The following GALNT14 variants were observed in gnomAD, a reference collection of about 807,000 sequenced individuals.
The protein encoded by GALNT14 is polypeptide N-acetylgalactosaminyltransferase 14.
Under a neutral mutation model 77.5 loss-of-function variants are expected in GALNT14, and 60 were observed. The ratio of observed to expected loss-of-function variants is 0.77; its 90% CI spans 0.63 to 0.96. The LOEUF (loss-of-function observed/expected upper bound fraction) is 0.96, where lower values mean the gene tolerates loss of function less well. Ranked by LOEUF, GALNT14 falls within the 40% of genes least tolerant of loss-of-function variation. The pLI is 0.00. For missense variants in GALNT14, 710 were observed against 731.0 expected (o/e 0.97, Z 0.33); for synonymous variants, 280 against 281.7 (o/e 0.99, Z 0.06).
chr2:31,082,816 G>C (rs752360404), intron 1 of GALNT14, among the ~76,000 whole-genome samples: 2 of 152,104 alleles, frequency 1.3e-5, no homozygotes, highest in Admixed American at 6.5e-5. Context: ...TCAAAAGACC[G>C]AGACCATCCT....
At chr2:30,943,851 G>T (rs558605958) in intron 8 of GALNT14, among the ~76,000 whole-genome samples, 1 of 152,314 alleles carries the variant, frequency 6.6e-6, no homozygotes, top group East Asian at 1.9e-4. Context: ...CTACCCCACA[G>T]TAGAGTTCTC....
chr2:31,076,759 G>T (rs796355899), intron 1 of GALNT14, among the ~76,000 whole-genome samples: 2 of 151,954 alleles, frequency 1.3e-5, no homozygotes, highest in African/African-American at 4.8e-5. Context: ...ATCAAAGGTA[G>T]GGAATGATAT....
chr2:30,956,736 A>C (rs1429678270), intron 4 of GALNT14, among the ~76,000 whole-genome samples: 2 of 152,044 alleles, frequency 1.3e-5, no homozygotes, highest in Admixed American at 6.6e-5. Flanking sequence ...CGAACTCCTG[A>C]CCTCAGATGA....
At chr2:30,935,237 A>G (rs1665981001) in intron 9 of GALNT14, among the ~76,000 whole-genome samples, 1 of 152,122 alleles carries the variant, frequency 6.6e-6, no homozygotes, top group African/African-American at 2.4e-5. Flanking sequence ...AGGGAAGCAC[A>G]TCTCTCCAAC....
chr2:31,117,974 C>T (rs1393739956), intron 1 of GALNT14, among the ~76,000 whole-genome samples: 1 of 152,152 alleles, frequency 6.6e-6, no homozygotes, highest in African/African-American at 2.4e-5. Context: ...TATAGTGTGG[C>T]CTATAAATAG....
intron 13 of GALNT14, among the ~76,000 whole-genome samples, chr2:30,916,659 T>TCTCC (rs1664696327): frequency 2.2e-5 from 1 of 46,098 alleles, no homozygotes; most frequent in African/African-American, 1.9e-4. Context: ...TCAGTAACCT[T>TCTCC]CTCTAGCAGA....
intron 2 of GALNT14, among the ~76,000 whole-genome samples, chr2:30,970,417 G>C (rs1558453565): frequency 6.6e-6 from 1 of 152,172 alleles, no homozygotes; most frequent in Non-Finnish European, 1.5e-5. Context: ...TTGTTGTGAA[G>C]ACTGCAGATG....
At position 31,035,608 on chromosome 2, in the gene GALNT14, CACACACACCT is replaced by C. The variant is rs1363797006; in HGVS notation, c.130-42611_130-42602del. 6.3e-3 allele frequency among the ~76,000 whole-genome samples: 269 copies of C among 42,456 alleles called. 5 individuals carry two copies. Among genetic ancestry groups the C allele is most frequent in the African/African-American group, 0.033 (254 of 7,596 alleles). The allele number at this position is 42,456 out of a possible 152,430, so 27.9% of individuals were successfully genotyped here. A position where few individuals can be genotyped will look rare whatever the true frequency, so the allele number is the denominator to read the frequency against. ...GTGTATACATATACATATACACACA[CACACACACCT>C]ACACACACACACACACACACACACA... is the stretch of plus-strand genomic sequence containing the variant. On this transcript the variant is annotated intron_variant, in intron 1 of 14. Coordinates refer to ENST00000349752, the MANE Select transcript of GALNT14 (RefSeq NM_024572.4).
chr2:31,035,651 A>T (rs1672695128), intron 1 of GALNT14, among the ~76,000 whole-genome samples: 1 of 131,948 alleles, frequency 7.6e-6, no homozygotes, highest in African/African-American at 2.8e-5. Flanking sequence ...ACACACACAC[A>T]CACACACTAT....
At chr2:31,049,556 G>C (rs1673704976) in intron 1 of GALNT14, among the ~76,000 whole-genome samples, 1 of 152,224 alleles carries the variant, frequency 6.6e-6, no homozygotes, top group African/African-American at 2.4e-5. Flanking sequence ...AGAATCCCAA[G>C]ACTCATCATG....
chr2:31,082,112 T>C (rs1332802741), intron 1 of GALNT14, among the ~76,000 whole-genome samples: 1 of 152,098 alleles, frequency 6.6e-6, no homozygotes, highest in Non-Finnish European at 1.5e-5. Context: ...CAACTATAAG[T>C]AATAAGGGAC....
chr2:31,105,689 T>C (rs2365205), intron 1 of GALNT14, among the ~76,000 whole-genome samples: 90,653 of 151,624 alleles, frequency 0.6, 28,260 homozygotes, highest in African/African-American at 0.77. Context: ...CATACCACTG[T>C]ACTCCAGTCT....
chr2:31,124,150 GCT>G (rs1323638768), intron 1 of GALNT14, among the ~76,000 whole-genome samples: 1 of 152,198 alleles, frequency 6.6e-6, no homozygotes, highest in Non-Finnish European at 1.5e-5. Context: ...GATTTTGCCC[GCT>G]CTGTCTCCCC....
intron 1 of GALNT14, among the ~76,000 whole-genome samples, chr2:31,107,209 G>A (rs1411014892): frequency 2.0e-5 from 3 of 152,116 alleles, no homozygotes; most frequent in Non-Finnish European, 4.4e-5. Context: ...ATCAAAGCAG[G>A]CCCAGGAGGT....
chr2:31,028,622 G>A (rs1672223078), intron 1 of GALNT14, among the ~76,000 whole-genome samples: 1 of 152,224 alleles, frequency 6.6e-6, no homozygotes, highest in African/African-American at 2.4e-5. Flanking sequence ...AGCCTTCGAG[G>A]CAGCAGGAGG....
intron 1 of GALNT14, among the ~76,000 whole-genome samples, chr2:31,136,910 G>C (rs1336721983): frequency 6.6e-6 from 1 of 152,106 alleles, no homozygotes; most frequent in Non-Finnish European, 1.5e-5. Flanking sequence ...CTGGTGAGAC[G>C]CCACCTCCCG....
chr2:31,103,380 A>G (rs531055230), intron 1 of GALNT14, among the ~76,000 whole-genome samples: 2 of 152,230 alleles, frequency 1.3e-5, no homozygotes. Context: ...ACAGAAGCAT[A>G]GAAAAGGCAT....
the GALNT14 span, among the ~76,000 whole-genome samples, chr2:30,894,518 C>A: frequency 1.3e-5 from 2 of 152,076 alleles, no homozygotes; most frequent in African/African-American, 4.8e-5. Flanking sequence ...TAGAAAGACT[C>A]GACAGAGAAG....
intron 1 of GALNT14, among the ~76,000 whole-genome samples, chr2:31,036,976 G>C (rs895306939): frequency 6.6e-6 from 1 of 152,090 alleles, no homozygotes; most frequent in Non-Finnish European, 1.5e-5. Context: ...ATTTCCCTGA[G>C]TTTATCCTGT....
Sources: gnomAD v4.1 joint callset for allele counts (sites outside exome capture counted in the v4.1 genomes callset) on GRCh38, gnomAD v4.1.1 for gene constraint, MANE v1.5 for transcripts, NCBI Gene and HGNC (gene_info 2026-07-23, HGNC 2026-07-21) for gene names.